Variants in RANBP2 observed in about 807,000 individuals in gnomAD.
RANBP2 encodes RAN binding protein 2.
A neutral mutation model predicts 303.6 loss-of-function variants in RANBP2; 57 were observed. The ratio of observed to expected loss-of-function variants is 0.19; its 90% CI spans 0.15 to 0.23. The LOEUF (loss-of-function observed/expected upper bound fraction) is 0.23, where lower values mean the gene tolerates loss of function less well. Among genes scored for constraint, RANBP2 ranks in the 10% least tolerant of loss-of-function variants. The pLI is 1.00. For synonymous variants in RANBP2, 1,167 were observed against 1,301.5 expected, an observed-to-expected ratio of 0.90 and a Z score of 2.23; for missense variants, 3,138 against 3,780.8, an observed-to-expected ratio of 0.83 and a Z score of 4.46.
At position 108,777,112 on chromosome 2, in the gene RANBP2, CT is replaced by C. The variant is rs1558937665; in HGVS notation, c.8498-11del. 1 of 1,606,486 alleles carries C rather than the reference CT, an allele frequency of 6.2e-7. No homozygotes were observed. Among genetic ancestry groups the C allele is most frequent in the Non-Finnish European group, 8.5e-7 (1 of 1,174,070 alleles). Reference sequence around the variant, plus strand: ...AGCACAAATTAAATAGTAAATTGTTCTTTTTTTCTTTTGCCAGGGGAAAGCA... The same window carrying C: ...AGCACAAATTAAATAGTAAATTGTTCTTTTTTCTTTTGCCAGGGGAAAGCA... On this transcript the variant is annotated splice_polypyrimidine_tract_variant and intron_variant, in intron 24 of 28. Transcript: ENST00000283195.
the RANBP2 span, among the ~76,000 whole-genome samples, chr2:109,035,655 C>T: frequency 1.8e-3 from 268 of 152,286 alleles, no homozygotes; most frequent in African/African-American, 6.1e-3. Context: ...CACCCTATCC[C>T]AGCAAAAGTC....
chr2:108,928,026 T>C, the RANBP2 span, among the ~76,000 whole-genome samples: 3 of 152,070 alleles, frequency 2.0e-5, no homozygotes, highest in African/African-American at 7.2e-5. Context: ...GCCCACAGCA[T>C]CCCTGGCTCA....
chr2:109,221,919 A>G, the RANBP2 span, among the ~76,000 whole-genome samples: 7 of 152,220 alleles, frequency 4.6e-5, no homozygotes, highest in Non-Finnish European at 1.0e-4. Flanking sequence ...CATTTATTGC[A>G]GCACTAGTCA....
At chr2:109,113,313 G>A in the RANBP2 span, among the ~76,000 whole-genome samples, 5 of 151,972 alleles carry the variant, frequency 3.3e-5, no homozygotes, top group Non-Finnish European at 7.4e-5. Flanking sequence ...ATTTCATTGA[G>A]CAGTGGTTTG....
the RANBP2 span, among the ~76,000 whole-genome samples, chr2:109,328,640 C>A: frequency 3.3e-4 from 50 of 152,254 alleles, no homozygotes; most frequent in South Asian, 8.5e-3. Context: ...GGTCATGGTA[C>A]TGATATAGGA....
the RANBP2 span, among the ~76,000 whole-genome samples, chr2:109,629,343 ATATATATATATATTTTTTTT>A: frequency 5.7e-4 from 4 of 7,064 alleles, 1 homozygote; most frequent in African/African-American, 2.2e-3. Context: ...ATATATATAT[ATATATATATATATTTTTTTT>A]TTTTTTTTCA....
At chr2:109,606,610 T>C in the RANBP2 span, among the ~76,000 whole-genome samples, 1 of 150,226 alleles carries the variant, frequency 6.7e-6, no homozygotes, top group African/African-American at 2.5e-5. Flanking sequence ...CCACTAAAAG[T>C]TGAAAATAAT....
At chr2:109,648,884 C>A in the RANBP2 span, among the ~76,000 whole-genome samples, 1 of 151,656 alleles carries the variant, frequency 6.6e-6, no homozygotes, top group African/African-American at 2.4e-5. Flanking sequence ...GAACTCCAGA[C>A]CTTGTGATCC....
chr2:109,322,190 T>G, the RANBP2 span, among the ~76,000 whole-genome samples: 1 of 152,146 alleles, frequency 6.6e-6, no homozygotes, highest in Non-Finnish European at 1.5e-5. Context: ...TCAGCGCCCC[T>G]TCAAGCATTC....
chr2:109,555,331 T>C, the RANBP2 span, among the ~76,000 whole-genome samples: 6 of 152,182 alleles, frequency 3.9e-5, no homozygotes, highest in Admixed American at 3.3e-4. Flanking sequence ...ACCTGTTCAT[T>C]GTTCCCAGAA....
chr2:108,982,228 T>C, the RANBP2 span, among the ~76,000 whole-genome samples: 4 of 152,332 alleles, frequency 2.6e-5, no homozygotes, highest in Non-Finnish European at 4.4e-5. Context: ...AACAAAGAAA[T>C]GTTCCAGGGT....
At chr2:108,811,273 C>G in the RANBP2 span, among the ~76,000 whole-genome samples, 1 of 93,716 alleles carries the variant, frequency 1.1e-5, no homozygotes, top group Non-Finnish European at 1.9e-5. Flanking sequence ...GACTGTCTCC[C>G]TCTGTCTCCC....
At chr2:108,719,987 C>G in intron 1 of RANBP2, 2 of 985,174 alleles carry the variant, frequency 2.0e-6, no homozygotes, top group Non-Finnish European at 2.4e-6. Flanking sequence ...TCGCGCACCC[C>G]GTAGTACCCG....
chr2:109,436,832 C>A, the RANBP2 span: 1 of 1,565,414 alleles, frequency 6.4e-7, no homozygotes, highest in Non-Finnish European at 8.7e-7. Flanking sequence ...CTGCCAGAGG[C>A]CCACATGGCA....
chr2:109,371,460 G>A, the RANBP2 span: 8 of 684,682 alleles, frequency 1.2e-5, no homozygotes, highest in Non-Finnish European at 1.6e-5. Context: ...AATGGATAAT[G>A]CACTCTTCTT....
At chr2:109,067,380 A>G in the RANBP2 span, among the ~76,000 whole-genome samples, 1 of 152,234 alleles carries the variant, frequency 6.6e-6, no homozygotes, top group African/African-American at 2.4e-5. Context: ...GCCTCCAAAG[A>G]TAGCTACTGC....
At chr2:109,122,945 T>G in the RANBP2 span, among the ~76,000 whole-genome samples, 1 of 152,134 alleles carries the variant, frequency 6.6e-6, no homozygotes, top group African/African-American at 2.4e-5. Context: ...ACCATAGTGT[T>G]TAATTCCTCT....
the RANBP2 span, among the ~76,000 whole-genome samples, chr2:109,699,763 G>C: frequency 6.6e-6 from 1 of 152,160 alleles, no homozygotes; most frequent in South Asian, 2.1e-4. Flanking sequence ...GGGGTCAACT[G>C]TTAGCTGTGC....
At chr2:108,985,700 G>C in the RANBP2 span, among the ~76,000 whole-genome samples, 1 of 152,174 alleles carries the variant, frequency 6.6e-6, no homozygotes, top group Admixed American at 6.5e-5. Context: ...TCCAGCATTT[G>C]AGAAATAACA....
Sources: allele counts gnomAD v4.1 joint callset (sites outside exome capture counted in the v4.1 genomes callset), GRCh38; gene constraint gnomAD v4.1.1; transcripts MANE v1.5; gene names NCBI Gene and HGNC (gene_info 2026-07-23, HGNC 2026-07-21).